TBC1D17: variants seen among roughly 807,000 people sequenced by gnomAD.
The protein encoded by TBC1D17 is TBC1 domain family member 17.
A neutral mutation model predicts 78.8 loss-of-function variants in TBC1D17; 69 were observed. That is an observed-to-expected ratio of 0.88 (90% CI 0.72 to 1.07). The LOEUF (loss-of-function observed/expected upper bound fraction) is 1.07, where lower values mean the gene tolerates loss of function less well. TBC1D17 is among the 50% of genes least tolerant of loss of function. TBC1D17 has a pLI of 0.00. For missense variants in TBC1D17, 957 were observed against 861.0 expected (o/e 1.11, Z -1.39); for synonymous variants, 456 against 358.3 (o/e 1.27, Z -3.08).
intron 13 of TBC1D17, chr19:49,885,034 A>G (rs1289914193): frequency 8.4e-6 from 4 of 474,478 alleles, no homozygotes; most frequent in Non-Finnish European, 3.8e-6. Context: ...TTTCAGAAAT[A>G]AGGACCTAGG....
At chr19:49,880,903 T>A (rs1042351993) in intron 4 of TBC1D17, among the ~76,000 whole-genome samples, 6 of 152,086 alleles carry the variant, frequency 3.9e-5, no homozygotes, top group Non-Finnish European at 8.8e-5. Context: ...CCCCCGTGTG[T>A]TTAGGGAGCC....
intron 13 of TBC1D17, among the ~76,000 whole-genome samples, chr19:49,885,851 G>A (rs1270165000): frequency 2.6e-5 from 4 of 151,762 alleles, no homozygotes; most frequent in Non-Finnish European, 5.9e-5. Flanking sequence ...GCGCCCACCT[G>A]TAATCCCAGC....
chr19:49,883,104 C>G (rs2075030517), intron 9 of TBC1D17, 28 bp downstream of exon 9: 1 of 1,577,062 alleles, frequency 6.3e-7, no homozygotes, highest in Admixed American at 1.8e-5. Context: ...CCTGCCCTGC[C>G]AGGCATGACA....
intron 1 of TBC1D17, 100 bp from the exon 2 acceptor site, chr19:49,878,043 C>G (rs2074973773): frequency 2.0e-6 from 2 of 1,010,078 alleles, no homozygotes; most frequent in South Asian, 3.2e-5. Flanking sequence ...CTCCCGGCCC[C>G]GCCCCCTGAG....
In TBC1D17 at chr19:49,878,210, T is replaced by C. The variant is rs761559919; in HGVS notation, c.89T>C (p.Leu30Pro). 2.6e-6 allele frequency: 4 copies of C among 1,563,950 alleles called. No individual in the cohort carries two copies. The highest frequency in any genetic ancestry group is 2.4e-5 in the East Asian group (1 of 41,494). Residue 30 changes from leucine to proline, a missense_variant, in exon 2 of 17, where the codon CTC becomes CCC. By Grantham distance (98) the Leu-to-Pro change is moderately conservative. Transcript: ENST00000221543. ...AAGAAGTATCAGGACCGAGACTCTC[T>C]CATCGCTGGTGTCATCCGTGTCGTG... is the stretch of plus-strand genomic sequence containing the variant. ...SAKKYQDRDS[L>P]IAGVIRVVEK...
At chr19:49,886,268 AAAG>A (rs1568678044) in intron 13 of TBC1D17, among the ~76,000 whole-genome samples, 2 of 152,224 alleles carry the variant, frequency 1.3e-5, no homozygotes, top group Non-Finnish European at 1.5e-5. Flanking sequence ...AAAAAAGAAA[AAAG>A]AAAGTTAAAG....
At chr19:49,877,844 G>C (rs1326091927) in intron 1 of TBC1D17, 100 bp downstream of exon 1, 4 of 1,413,900 alleles carry the variant, frequency 2.8e-6, no homozygotes, top group Non-Finnish European at 3.9e-6. Context: ...AATCCGGCAC[G>C]GCCTTGGCAA....
Position 49,878,137 on chromosome 19 carries a change from A to G in TBC1D17, c.22-6A>G. The G allele has an allele frequency of 3.2e-6, 5 of 1,571,998 alleles. No individual in the cohort carries two copies. The highest frequency in any genetic ancestry group is 1.2e-5 in the South Asian group (1 of 85,602). On this transcript the variant is annotated splice_region_variant and splice_polypyrimidine_tract_variant and intron_variant, in intron 1 of 16. Coordinates refer to ENST00000221543, the MANE Select transcript of TBC1D17 (RefSeq NM_024682.3). Reference sequence around the variant, plus strand: ...CCCCAGCCCTCGCTGGTTCCCCCCAACTCAGGTGGTGTTTGAGAAGGGCGG... The same window carrying G: ...CCCCAGCCCTCGCTGGTTCCCCCCAGCTCAGGTGGTGTTTGAGAAGGGCGG...
In TBC1D17 at chr19:49,878,178, C is replaced by T. The variant is rs138066596; in HGVS notation, c.57C>T (p.Thr19=). 114 of 1,577,028 alleles carry T rather than the reference C, an allele frequency of 7.2e-5. No individual in the cohort carries two copies. The African/African-American group carries it at 1.4e-3, about 20-fold the overall frequency. The part of the protein sequence containing the change: ...VFEKGGVYLH[T]SAKKYQDRDS... ...AGAAGGGCGGAGTGTACCTGCACAC[C>T]AGCGCTAAGAAGTATCAGGACCGAG... Residue 19 remains threonine (T), a synonymous_variant, in exon 2 of 17, where the codon ACC becomes ACT. Transcript: ENST00000221543.
At chr19:49,880,902 G>A in intron 4 of TBC1D17, among the ~76,000 whole-genome samples, 1 of 152,220 alleles carries the variant, frequency 6.6e-6, no homozygotes, top group Non-Finnish European at 1.5e-5. Flanking sequence ...GCCCCCGTGT[G>A]TTTAGGGAGC....
intron 9 of TBC1D17, 98 bp downstream of exon 9, chr19:49,883,174 G>A: frequency 4.6e-6 from 5 of 1,095,404 alleles, no homozygotes; most frequent in Non-Finnish European, 6.6e-6. Context: ...TGAACCTGCT[G>A]TATCTGGGCA....
Position 49,881,441 on chromosome 19 carries a change from C to T in TBC1D17, c.493C>T (p.Leu165Phe). The T allele has an allele frequency of 6.2e-7, 1 of 1,611,240 alleles. No individual in the cohort carries two copies. Among genetic ancestry groups the T allele is most frequent in the South Asian group, 1.1e-5 (1 of 91,034 alleles). The change falls in exon 5 of 17, where the codon CTC (leucine) becomes TTC (phenylalanine). Residue 165 changes from leucine (L) to phenylalanine (F), a missense_variant. Coordinates refer to ENST00000221543, the MANE Select transcript of TBC1D17 (RefSeq NM_024682.3). ...HFHRGGTRAL[L>F]RVLSRYLLLA... ...CCACCGCGGGGGCACCCGCGCCCTG[C>T]TCCGCGTCCTCAGCCGCTACCTGCT...
chr19:49,882,647 C>A (rs913575469), intron 7 of TBC1D17, 117 bp from the exon 8 acceptor site: 2 of 1,422,214 alleles, frequency 1.4e-6, no homozygotes, highest in Non-Finnish European at 1.8e-6. Flanking sequence ...CTGCTGCCTG[C>A]CCCTGAATGT....
Position 49,883,650 on chromosome 19 carries a change from G to C in TBC1D17, c.1032-1G>C. ...ACATCTTGTTTCCCTCTGTCACTCA[G>C]GGATGAGTATTTCCGCATGAAGCTG... On this transcript the variant is annotated splice_acceptor_variant, in intron 9 of 16. Coordinates refer to ENST00000221543, the MANE Select transcript of TBC1D17 (RefSeq NM_024682.3). LOFTEE classifies it high-confidence loss of function. The C allele has an allele frequency of 6.2e-7, 1 of 1,613,592 alleles. No homozygotes were observed. The highest frequency in any genetic ancestry group is 8.5e-7 in the Non-Finnish European group (1 of 1,179,656).
chr19:49,888,564 G>T lies in TBC1D17; in HGVS notation c.1887G>T (p.Pro629=). The change falls in exon 17 of 17, where the codon CCG becomes CCT. Residue 629 remains proline, a synonymous_variant. Coordinates refer to ENST00000221543, the MANE Select transcript of TBC1D17 (RefSeq NM_024682.3). ...PTPPPSTDTA[P]QPDSSLEILP... is the part of the protein sequence containing the mutation. ...CGCCGCCCTCCACGGACACAGCCCC[G>T]CAGCCCGACAGCAGCCTGGAGATCC... 9.6e-7 allele frequency: 1 copy of T among 1,037,290 alleles called. No homozygotes were observed. The allele number at this position is 1,037,290 out of a possible 1,614,324, so 64.3% of individuals were successfully genotyped here.
In TBC1D17 at chr19:49,878,123, G is replaced by C. The variant is rs780490760; in HGVS notation, c.22-20G>C. 6.4e-7 allele frequency: 1 copy of C among 1,560,368 alleles called. No homozygotes were observed. ...TCCCCTCGCTTGGGCCCCAGCCCTC[G>C]CTGGTTCCCCCCAACTCAGGTGGTG... is the stretch of plus-strand genomic sequence containing the variant. On this transcript the variant is annotated intron_variant, in intron 1 of 16. Coordinates refer to ENST00000221543, the MANE Select transcript of TBC1D17 (RefSeq NM_024682.3).
Position 49,887,517 on chromosome 19 carries a change from C to G in TBC1D17, c.1486C>G (p.Leu496Val). 2 of 1,614,180 alleles carry G rather than the reference C, an allele frequency of 1.2e-6. No homozygotes were observed. The highest frequency in any genetic ancestry group is 1.7e-6 in the Non-Finnish European group (2 of 1,180,020). ...CTCTCTCTGCTTCTGTTTCCGGTGG[C>G]TGCTCATCTGGTTCAAGAGGGAATT... The part of the protein sequence containing the change: ...SGSLCFCFRW[L>V]LIWFKREFPF... The change falls in exon 14 of 17, where the codon CTG (leucine) becomes GTG (valine). Residue 496 changes from leucine to valine, a missense_variant. Physicochemically the swap from Leu to Val is conservative, Grantham distance 32. Transcript: ENST00000221543.
chr19:49,881,447 G>A lies in TBC1D17; in HGVS notation c.499G>A (p.Val167Ile), dbSNP rs1453153601. ...CGGGGGCACCCGCGCCCTGCTCCGC[G>A]TCCTCAGCCGCTACCTGCTGTTGGC... is the stretch of plus-strand genomic sequence containing the variant. ...HRGGTRALLR[V>I]LSRYLLLASS... is the part of the protein sequence containing the mutation. The change falls in exon 5 of 17, where the codon GTC becomes ATC. Residue 167 changes from valine to isoleucine, a missense_variant. Transcript: ENST00000221543. 25 of 1,610,490 alleles carry A rather than the reference G, an allele frequency of 1.6e-5. No individual in the cohort carries two copies. The highest frequency in any genetic ancestry group is 1.9e-5 in the Non-Finnish European group (22 of 1,179,846).
At chr19:49,880,437 T>G (rs545079988) in intron 4 of TBC1D17, 35 bp downstream of exon 4, 1 of 1,609,888 alleles carries the variant, frequency 6.2e-7, no homozygotes, top group Non-Finnish European at 8.5e-7. Context: ...GAAGCACGTG[T>G]GGGCCAGGTA....
Sources: allele counts gnomAD v4.1 joint callset (sites outside exome capture counted in the v4.1 genomes callset), GRCh38; gene constraint gnomAD v4.1.1; transcripts MANE v1.5; gene names NCBI Gene and HGNC (gene_info 2026-07-23, HGNC 2026-07-21).